MAGI2: variants seen among roughly 807,000 people sequenced by gnomAD.
MAGI2 encodes membrane-associated guanylate kinase, WW and PDZ domain-containing protein 2.
Under a neutral mutation model 133.3 loss-of-function variants are expected in MAGI2, and 35 were observed. That is an observed-to-expected ratio of 0.26 (90% CI 0.20 to 0.35). The LOEUF (loss-of-function observed/expected upper bound fraction) is 0.35, where lower values mean the gene tolerates loss of function less well. MAGI2 is among the 10% of genes least tolerant of loss of function. The probability of loss-of-function intolerance (pLI) is 1.00; values close to 1 mark genes in which losing one functional copy is unlikely to be tolerated. For missense variants in MAGI2, 1,636 were observed against 1,863.4 expected (o/e 0.88, Z 2.25); for synonymous variants, 729 against 710.6 (o/e 1.03, Z -0.41).
intron 1 of MAGI2, chr7:79,125,565 C>G (rs1444850383): frequency 3.9e-6 from 2 of 507,686 alleles, no homozygotes; most frequent in Admixed American, 2.3e-5. Context: ...GCTATAACAG[C>G]TGTATCAGTG....
At chr7:79,291,348 T>A (rs1186645635) in intron 1 of MAGI2, among the ~76,000 whole-genome samples, 1 of 152,168 alleles carries the variant, frequency 6.6e-6, no homozygotes, top group Non-Finnish European at 1.5e-5. Context: ...CAACTTTTGG[T>A]TATTATGAAT....
chr7:79,087,530 T>C (rs1816626627), intron 1 of MAGI2, among the ~76,000 whole-genome samples: 1 of 151,996 alleles, frequency 6.6e-6, no homozygotes, highest in Non-Finnish European at 1.5e-5. Flanking sequence ...AGTTGAGGCT[T>C]TTATAATGAG....
At chr7:78,355,522 A>G (rs1791984651) in intron 7 of MAGI2, among the ~76,000 whole-genome samples, 1 of 152,246 alleles carries the variant, frequency 6.6e-6, no homozygotes, top group Non-Finnish European at 1.5e-5. Flanking sequence ...AATAGGTTGC[A>G]TGCTTTTAAT....
chr7:79,254,164 T>C (rs1833523108), intron 1 of MAGI2, among the ~76,000 whole-genome samples: 1 of 152,196 alleles, frequency 6.6e-6, no homozygotes, highest in Non-Finnish European at 1.5e-5. Flanking sequence ...TGCATTTCTA[T>C]TTTGCTCTTT....
intron 9 of MAGI2, among the ~76,000 whole-genome samples, chr7:78,332,321 G>A (rs552755130): frequency 6.6e-6 from 1 of 152,316 alleles, no homozygotes; most frequent in East Asian, 1.9e-4. Flanking sequence ...CAATGACGTT[G>A]TTTTTAATCC....
At chr7:79,076,482 A>C (rs1815473951) in intron 1 of MAGI2, among the ~76,000 whole-genome samples, 1 of 152,214 alleles carries the variant, frequency 6.6e-6, no homozygotes, top group Non-Finnish European at 1.5e-5. Flanking sequence ...AGAGCTTAGC[A>C]GGGTTCTTTT....
chr7:79,113,231 G>T (rs1584956454), intron 1 of MAGI2, among the ~76,000 whole-genome samples: 5 of 152,294 alleles, frequency 3.3e-5, no homozygotes, highest in African/African-American at 7.2e-5. Flanking sequence ...TTGTCAGTAA[G>T]TTCACCTTCA....
In MAGI2 at chr7:78,568,553, G is replaced by T. The variant is rs561778645; in HGVS notation, c.539-46908C>A. 1.1e-3 allele frequency among the ~76,000 whole-genome samples: 161 copies of T among 151,962 alleles called. 1 individual carries two copies. The highest frequency in any genetic ancestry group is 4.6e-4 in the Admixed American group (7 of 15,264). ...TTCTTTTGCTTACACCTCTTATCCG[G>T]TTTTATTAGTAATTCTGTCATTGTA... On this transcript the variant is annotated intron_variant, in intron 3 of 21. Coordinates refer to ENST00000354212, the MANE Select transcript of MAGI2 (RefSeq NM_012301.4).
chr7:78,160,315 G>C, intron 15 of MAGI2, 42 bp from the exon 16 acceptor site: 1 of 1,522,174 alleles, frequency 6.6e-7, no homozygotes, highest in Non-Finnish European at 8.8e-7. Context: ...TACCTTACAA[G>C]GGTCTCAATG....
At position 78,127,321 on chromosome 7, in the gene MAGI2, T is replaced by C. The variant is rs1207869599; in HGVS notation, c.3299A>G (p.Gln1100Arg). ...DYRQPPLDYR[Q>R]PPGGDYQQPP... Reference sequence around the variant, plus strand: ...CTGCTGGTAGTCCCCTCCTGGGGGTTGCCTGTAATCCAGCGGGGGCTGCCT... The same window carrying C: ...CTGCTGGTAGTCCCCTCCTGGGGGTCGCCTGTAATCCAGCGGGGGCTGCCT... Residue 1100 changes from glutamine to arginine, a missense_variant, in exon 19 of 22, where the codon CAA (glutamine) becomes CGA (arginine). Physicochemically the swap from Gln to Arg is conservative, Grantham distance 43. Coordinates refer to ENST00000354212, the MANE Select transcript of MAGI2 (RefSeq NM_012301.4). The C allele has an allele frequency of 6.2e-7, 1 of 1,611,858 alleles. No individual in the cohort carries two copies. The highest frequency in any genetic ancestry group is 2.2e-5 in the East Asian group (1 of 44,854).
intron 1 of MAGI2, among the ~76,000 whole-genome samples, chr7:79,379,670 G>T (rs867016793): frequency 1.7e-4 from 26 of 152,002 alleles, no homozygotes; most frequent in Middle Eastern, 3.4e-3. Flanking sequence ...GGAGTGAGAT[G>T]GTATCTCATT....
chr7:78,448,530 C>T (rs917783287), intron 6 of MAGI2, among the ~76,000 whole-genome samples: 6 of 151,322 alleles, frequency 4.0e-5, no homozygotes, highest in African/African-American at 1.2e-4. Flanking sequence ...TGGTATGCTA[C>T]TCCAAATCCC....
chr7:78,367,250 A>G (rs951077479), intron 7 of MAGI2, among the ~76,000 whole-genome samples: 4 of 152,202 alleles, frequency 2.6e-5, no homozygotes, highest in African/African-American at 9.6e-5. Context: ...CATCTCGATG[A>G]TCAAGAAGGG....
intron 6 of MAGI2, among the ~76,000 whole-genome samples, chr7:78,432,276 T>C (rs367751689): frequency 3.2e-4 from 49 of 151,672 alleles, no homozygotes; most frequent in African/African-American, 1.2e-3. Context: ...CTCACAAAAA[T>C]AGAAGCATAA....
intron 2 of MAGI2, among the ~76,000 whole-genome samples, chr7:78,954,604 C>A (rs1802141885): frequency 6.6e-6 from 1 of 152,132 alleles, no homozygotes; most frequent in Non-Finnish European, 1.5e-5. Context: ...GTGATGCCTC[C>A]TTCCCCTAAT....
intron 9 of MAGI2, among the ~76,000 whole-genome samples, chr7:78,320,051 T>C (rs942337478): frequency 6.6e-6 from 1 of 152,128 alleles, no homozygotes; most frequent in Non-Finnish European, 1.5e-5. Flanking sequence ...CCTGGACACA[T>C]GCACTCTCCC....
intron 9 of MAGI2, among the ~76,000 whole-genome samples, chr7:78,342,459 A>G (rs2885266): frequency 0.32 from 48,485 of 152,000 alleles, 8,265 homozygotes; most frequent in East Asian, 0.59. Context: ...CCATTACTAT[A>G]TATATACCCA....
At chr7:79,443,586 C>G (rs1437136404) in intron 1 of MAGI2, among the ~76,000 whole-genome samples, 1 of 151,996 alleles carries the variant, frequency 6.6e-6, no homozygotes, top group African/African-American at 2.4e-5. Context: ...CATAGCAACA[C>G]AAAATACTCA....
chr7:79,091,620 T>C (rs1195664930), intron 1 of MAGI2, among the ~76,000 whole-genome samples: 1 of 151,860 alleles, frequency 6.6e-6, no homozygotes, highest in African/African-American at 2.4e-5. Flanking sequence ...TTAAAAAAAG[T>C]CTCTTAGAAT....
Sources: gnomAD v4.1 joint callset for allele counts (sites outside exome capture counted in the v4.1 genomes callset) on GRCh38, gnomAD v4.1.1 for gene constraint, MANE v1.5 for transcripts, NCBI Gene and HGNC (gene_info 2026-07-23, HGNC 2026-07-21) for gene names.